The following SRCIN1 variants were observed in gnomAD, a reference collection of about 807,000 sequenced individuals.
SRCIN1 encodes P130Cas-associated protein.
Under a neutral mutation model 116.2 loss-of-function variants are expected in SRCIN1, and 50 were observed. The ratio of observed to expected loss-of-function variants is 0.43; its 90% confidence interval spans 0.34 to 0.54. SRCIN1 has a LOEUF of 0.54. SRCIN1 is among the 20% of genes least tolerant of loss of function. The pLI, the probability that SRCIN1 is intolerant of heterozygous loss-of-function variation, is 0.02. For missense variants in SRCIN1, 1,446 were observed against 1,672.0 expected, an observed-to-expected ratio of 0.86 and a Z score of 2.36; for synonymous variants, 736 against 750.0, an observed-to-expected ratio of 0.98 and a Z score of 0.30.
At chr17:38,590,277 C>T (rs1908369640) in intron 1 of SRCIN1, among the ~76,000 whole-genome samples, 1 of 152,194 alleles carries the variant, frequency 6.6e-6, no homozygotes, top group African/African-American at 2.4e-5. Flanking sequence ...GCTCTGTCGC[C>T]CAGGCTGGAG....
chr17:38,561,441 AG>A, intron 7 of SRCIN1, 21 bp downstream of exon 7: 2 of 1,500,750 alleles, frequency 1.3e-6, no homozygotes, highest in Non-Finnish European at 1.8e-6. Context: ...CCAGTCCCTG[AG>A]GCCTGGTTAA....
Position 38,605,787 on chromosome 17 carries a change from G to A in SRCIN1, c.-82C>T, listed in dbSNP as rs1427727796. 1.6e-6 allele frequency: 1 copy of A among 611,972 alleles called. No homozygotes were observed. Among genetic ancestry groups the A allele is most frequent in the Non-Finnish European group, 2.1e-6 (1 of 479,772 alleles). The allele number at this position is 611,972 out of a possible 1,614,324, so 37.9% of individuals were successfully genotyped here. ...TCGCCGCCTCGCGGGCTCCTCGCTCGGCCCCAGCCCCGGGGCGCGGTGCCA... is the reference window on the plus strand; with the variant it reads ...TCGCCGCCTCGCGGGCTCCTCGCTCAGCCCCAGCCCCGGGGCGCGGTGCCA... On this transcript the variant is annotated 5_prime_UTR_variant, in exon 1 of 19. Coordinates refer to ENST00000617146, the MANE Select transcript of SRCIN1 (RefSeq NM_025248.3).
At chr17:38,555,775 C>T (rs73982831) in intron 11 of SRCIN1, among the ~76,000 whole-genome samples, 3,819 of 152,246 alleles carry the variant, frequency 0.025, 182 homozygotes, top group African/African-American at 0.089. Flanking sequence ...GCCCAGCCCT[C>T]GCTCTACCAC....
intron 11 of SRCIN1, among the ~76,000 whole-genome samples, chr17:38,554,639 C>T (rs543783397): frequency 1.3e-5 from 2 of 152,268 alleles, no homozygotes; most frequent in South Asian, 4.1e-4. Context: ...AGGCAAAGAC[C>T]ATGTCTTCCA....
At chr17:38,581,559 T>C (rs967545930) in intron 1 of SRCIN1, among the ~76,000 whole-genome samples, 4 of 151,842 alleles carry the variant, frequency 2.6e-5, no homozygotes, top group Non-Finnish European at 5.9e-5. Flanking sequence ...ATATAGTTCC[T>C]TGGGATGGTA....
chr17:38,594,584 C>T (rs1205415041), intron 1 of SRCIN1, among the ~76,000 whole-genome samples: 3 of 148,016 alleles, frequency 2.0e-5, no homozygotes, highest in African/African-American at 7.4e-5. Context: ...GCAAAGGGCA[C>T]CTGCAATTAG....
At chr17:38,533,968 TCCACCACCACCA>T (rs142815334) in intron 18 of SRCIN1, among the ~76,000 whole-genome samples, 1 of 151,742 alleles carries the variant, frequency 6.6e-6, no homozygotes, top group East Asian at 1.9e-4. Context: ...AAAGACCCCG[TCCACCACCACCA>T]CCACCACCAC....
chr17:38,592,625 C>T (rs1195956411), intron 1 of SRCIN1, among the ~76,000 whole-genome samples: 2 of 152,326 alleles, frequency 1.3e-5, no homozygotes, highest in South Asian at 2.1e-4. Flanking sequence ...AAAAATAGTG[C>T]CTCCCTTGTG....
At chr17:38,590,270 C>G (rs1017367570) in intron 1 of SRCIN1, among the ~76,000 whole-genome samples, 1 of 152,224 alleles carries the variant, frequency 6.6e-6, no homozygotes, top group Non-Finnish European at 1.5e-5. Flanking sequence ...CAGTCCTGCT[C>G]TGTCGCCCAG....
chr17:38,538,790 C>A (rs996304771), intron 18 of SRCIN1, among the ~76,000 whole-genome samples: 3 of 150,866 alleles, frequency 2.0e-5, no homozygotes, highest in African/African-American at 7.5e-5. Flanking sequence ...CAGAATCCAG[C>A]ACTAAGACAG....
chr17:38,559,838 A>T (rs1302121383), intron 9 of SRCIN1, 66 bp from the exon 10 acceptor site: 1 of 1,450,640 alleles, frequency 6.9e-7, no homozygotes, highest in South Asian at 1.4e-5. Flanking sequence ...CTGGGCTGGG[A>T]CAAAGTCCTC....
chr17:38,583,804 C>G (rs1195781842), intron 1 of SRCIN1, among the ~76,000 whole-genome samples: 1 of 152,142 alleles, frequency 6.6e-6, no homozygotes, highest in Non-Finnish European at 1.5e-5. Flanking sequence ...CCGCCCGCCT[C>G]GGCCTCCCAA....
At chr17:38,581,378 C>G (rs1907796062) in intron 1 of SRCIN1, among the ~76,000 whole-genome samples, 1 of 147,786 alleles carries the variant, frequency 6.8e-6, no homozygotes, top group Middle Eastern at 3.5e-3. Flanking sequence ...TGCACTCCAG[C>G]CTGGGAGACA....
At chr17:38,551,539 C>A in intron 14 of SRCIN1, 150 bp from the exon 15 acceptor site, 1 of 712,550 alleles carries the variant, frequency 1.4e-6, no homozygotes, top group South Asian at 1.9e-5. Flanking sequence ...TTTGACTTCT[C>A]GTGGGTATCA....
rs1259007463 is a variant in SRCIN1, at chr17:38,572,509, G to C, written c.325-4278C>G. Among the ~76,000 whole-genome samples the C allele has an allele frequency of 6.6e-6, 1 of 152,090 alleles. No individual in the cohort carries two copies. Among genetic ancestry groups the C allele is most frequent in the African/African-American group, 2.4e-5 (1 of 41,432 alleles). ...AAGGCACCTAATGCGGTGGGGGAGGGGAGGAGGCGTTTCTCAGGGATCGGG... is the reference window on the plus strand; with the variant it reads ...AAGGCACCTAATGCGGTGGGGGAGGCGAGGAGGCGTTTCTCAGGGATCGGG... On this transcript the variant is annotated intron_variant, in intron 2 of 18. Transcript: ENST00000617146. The surrounding 1 kb of genome is among the most constrained non-coding windows in gnomAD (Gnocchi z 4.3).
In SRCIN1 at chr17:38,533,345, G is replaced by T; in HGVS notation, c.3504C>A (p.Ile1168=). 1 of 1,602,614 alleles carries T rather than the reference G, an allele frequency of 6.2e-7. No individual in the cohort carries two copies. Among genetic ancestry groups the T allele is most frequent in the African/African-American group, 1.3e-5 (1 of 74,836 alleles). The part of the protein sequence containing the change: ...SEKPSASRTS[I]PVLTSFGARN... Reference sequence around the variant, plus strand: ...TTGCCCCAAAGGAAGTCAATACAGGGATAGAGGTTCTGGAAGCCGAGGGCT... The same window carrying T: ...TTGCCCCAAAGGAAGTCAATACAGGTATAGAGGTTCTGGAAGCCGAGGGCT... The change falls in exon 19 of 19, where the codon ATC becomes ATA. Residue 1168 remains isoleucine (I), a synonymous_variant. Coordinates refer to ENST00000617146, the MANE Select transcript of SRCIN1 (RefSeq NM_025248.3).
In SRCIN1 at chr17:38,605,694, A is replaced by T. The variant is rs369995799; in HGVS notation, c.12T>A (p.Ala4=). 1,370 of 1,215,150 alleles carry T rather than the reference A, an allele frequency of 1.1e-3. 13 individuals carry two copies. The African/African-American group carries it at 0.021, about 19-fold the overall frequency. The allele number at this position is 1,215,150 out of a possible 1,614,324, so 75.3% of individuals were successfully genotyped here. The change falls in exon 1 of 19, where the codon GCT becomes GCA. Residue 4 remains alanine, a synonymous_variant. Transcript: ENST00000617146. ...GAGACAGGGACATGCCTTGGGACGGAGCGTTCCCCATCGGGCGGGGGCGCG... is the reference window on the plus strand; with the variant it reads ...GAGACAGGGACATGCCTTGGGACGGTGCGTTCCCCATCGGGCGGGGGCGCG... MGN[A]PSQDPERSSP...
rs1180009690 is a variant in SRCIN1 at position 38,604,532 on chromosome 17, C to G, written c.22+1152G>C. 2.2e-6 allele frequency: 1 copy of G among 455,274 alleles called. No individual in the cohort carries two copies. Among genetic ancestry groups the G allele is most frequent in the South Asian group, 1.6e-5 (1 of 64,384 alleles). The allele number at this position is 455,274 out of a possible 1,614,324, so 28.2% of individuals were successfully genotyped here. The stretch of plus-strand genomic sequence containing the variant: ...CGGTCCAGCCTCCTCCCTGGGAGAG[C>G]GGGCTCTGCCCTCCGCCGTCCTCTC... On this transcript the variant is annotated intron_variant, in intron 1 of 18. Coordinates refer to ENST00000617146, the MANE Select transcript of SRCIN1 (RefSeq NM_025248.3). This position sits in a 1 kb window ranked among gnomAD's most constrained non-coding sequence, Gnocchi z 4.3.
chr17:38,560,275 C>T (rs1906146422), intron 8 of SRCIN1, 58 bp downstream of exon 8: 7 of 1,530,804 alleles, frequency 4.6e-6, no homozygotes, highest in Non-Finnish European at 6.2e-6. Context: ...ATGCCCATTT[C>T]CCCTTCCTCC....
Sources: allele counts gnomAD v4.1 joint callset (sites outside exome capture counted in the v4.1 genomes callset), GRCh38; gene constraint gnomAD v4.1.1; non-coding constraint Gnocchi (gnomAD v3.1); transcripts MANE v1.5; gene names NCBI Gene and HGNC (gene_info 2026-07-23, HGNC 2026-07-21).